Variants in PTPRT observed in about 807,000 individuals in gnomAD.
PTPRT encodes the protein protein tyrosine phosphatase receptor type T.
In PTPRT, 56 loss-of-function variants were observed where a neutral mutation model predicts 176.8. That is an observed-to-expected ratio of 0.32 (90% confidence interval 0.26 to 0.40). PTPRT has a LOEUF of 0.40. Among genes scored for constraint, PTPRT ranks in the 10% least tolerant of loss-of-function variants. The pLI is 1.00. For missense variants in PTPRT, 1,540 were observed against 1,908.2 expected, an observed-to-expected ratio of 0.81 and a Z score of 3.60; for synonymous variants, 783 against 739.0, an observed-to-expected ratio of 1.06 and a Z score of -0.96.
chr20:42,696,518 T>C (rs1461793700), intron 6 of PTPRT, among the ~76,000 whole-genome samples: 1 of 151,200 alleles, frequency 6.6e-6, no homozygotes, highest in Non-Finnish European at 1.5e-5. Flanking sequence ...TGCAGTGGCA[T>C]GATCTCGGCT....
chr20:42,599,113 T>C (rs2073729555), intron 7 of PTPRT, among the ~76,000 whole-genome samples: 1 of 152,132 alleles, frequency 6.6e-6, no homozygotes, highest in Non-Finnish European at 1.5e-5. Context: ...GCAGTGCAGA[T>C]GCACCGGAAG....
intron 12 of PTPRT, among the ~76,000 whole-genome samples, chr20:42,295,357 A>T (rs1403508513): frequency 2.6e-5 from 4 of 152,214 alleles, no homozygotes; most frequent in Non-Finnish European, 4.4e-5. Flanking sequence ...AGGACTTCAT[A>T]GCTAGCCATG....
chr20:42,947,493 C>T (rs971346205), intron 1 of PTPRT, among the ~76,000 whole-genome samples: 1 of 152,186 alleles, frequency 6.6e-6, no homozygotes, highest in South Asian at 2.1e-4. Flanking sequence ...AGAGGCCAAT[C>T]TCCTTCAGGC....
intron 1 of PTPRT, among the ~76,000 whole-genome samples, chr20:43,136,879 C>A (rs904259439): frequency 5.9e-5 from 9 of 152,142 alleles, no homozygotes; most frequent in Admixed American, 2.0e-4. Flanking sequence ...CACAAAGGCT[C>A]CCGAGTTTAT....
At chr20:43,182,692 C>T (rs6030682) in intron 1 of PTPRT, among the ~76,000 whole-genome samples, 6,070 of 152,120 alleles carry the variant, frequency 0.04, 417 homozygotes, top group African/African-American at 0.14. Context: ...CTCGCCCGGC[C>T]GTGGTTTGCA....
chr20:42,530,567 T>C (rs1335177421), intron 7 of PTPRT, among the ~76,000 whole-genome samples: 1 of 152,240 alleles, frequency 6.6e-6, no homozygotes, highest in Non-Finnish European at 1.5e-5. Context: ...GAAGAAGAGT[T>C]AATCAGATCC....
intron 1 of PTPRT, among the ~76,000 whole-genome samples, chr20:42,997,936 GA>G (rs1201646073): frequency 2.0e-5 from 3 of 152,132 alleles, no homozygotes; most frequent in African/African-American, 4.8e-5. Flanking sequence ...TGGAAGGCTG[GA>G]GTATCAAGAT....
intron 1 of PTPRT, among the ~76,000 whole-genome samples, chr20:43,113,524 T>C (rs963780609): frequency 6.6e-6 from 1 of 152,148 alleles, no homozygotes; most frequent in Non-Finnish European, 1.5e-5. Flanking sequence ...AGAACTGTCA[T>C]CATTGAAAAG....
At chr20:42,912,740 C>G (rs577771087) in intron 1 of PTPRT, among the ~76,000 whole-genome samples, 1 of 152,152 alleles carries the variant, frequency 6.6e-6, no homozygotes, top group African/African-American at 2.4e-5. Context: ...CTTTATTTTA[C>G]TTTTTAAAAC....
intron 13 of PTPRT, among the ~76,000 whole-genome samples, chr20:42,259,922 A>G (rs1341129053): frequency 6.6e-6 from 1 of 152,228 alleles, no homozygotes; most frequent in Non-Finnish European, 1.5e-5. Context: ...CATTAGCATC[A>G]GTTCAACCCT....
the PTPRT span, among the ~76,000 whole-genome samples, chr20:42,044,519 G>C: frequency 6.6e-6 from 1 of 152,204 alleles, no homozygotes; most frequent in Non-Finnish European, 1.5e-5. Context: ...GTTCTTCTCT[G>C]TCCTCCATGT....
rs186714996 is a variant in PTPRT at position 42,963,506 on chromosome 20, G to T, written c.89-77574C>A. Among the ~76,000 whole-genome samples, 532 of 151,886 alleles carry T rather than the reference G, an allele frequency of 3.5e-3. 2 individuals carry two copies. Among genetic ancestry groups the T allele is most frequent in the Admixed American group, 6.5e-3 (99 of 15,280 alleles). ...GTAGTTACATTTTTAAAAGTTGGTC[G>T]TGAGTGCCCAAGCAAATTAAATATG... On this transcript the variant is annotated intron_variant, in intron 1 of 30. Transcript: ENST00000373187.
At chr20:42,777,189 C>A (rs1029198522) in intron 4 of PTPRT, among the ~76,000 whole-genome samples, 7 of 140,468 alleles carry the variant, frequency 5.0e-5, no homozygotes, top group African/African-American at 1.7e-4. Flanking sequence ...GCACTCCCTG[C>A]AGCAGAGCCT....
At chr20:42,039,704 T>TATATATATATATATATATATATATA in the PTPRT span, among the ~76,000 whole-genome samples, 90 of 65,266 alleles carry the variant, frequency 1.4e-3, 4 homozygotes, top group Non-Finnish European at 3.1e-3. Context: ...ATATATATAG[T>TATATATATATATATATATATATATA]AATGTATATT....
rs189635747 is a variant in PTPRT, at chr20:42,547,004, A to G, written c.1154-74442T>C. ...TAACACAGAGACATAAAGTTAGCAC[A>G]TGCTGTTAAAAAAAATAGTGCCTTA... On this transcript the variant is annotated intron_variant, in intron 7 of 30. Coordinates refer to ENST00000373187, the MANE Select transcript of PTPRT (RefSeq NM_007050.6). Among the ~76,000 whole-genome samples the G allele has an allele frequency of 3.5e-3, 530 of 152,290 alleles. 8 individuals carry two copies. The highest frequency in any genetic ancestry group is 0.012 in the African/African-American group (511 of 41,564).
chr20:42,815,072 GTA>G, intron 2 of PTPRT, among the ~76,000 whole-genome samples: 1 of 152,088 alleles, frequency 6.6e-6, no homozygotes, highest in Non-Finnish European at 1.5e-5. Flanking sequence ...CCTCTGAAAG[GTA>G]TACTTTCTCC....
chr20:42,236,172 A>G, intron 15 of PTPRT, 57 bp downstream of exon 15: 1 of 1,445,426 alleles, frequency 6.9e-7, no homozygotes, highest in Non-Finnish European at 9.6e-7. Context: ...CAGGAAATGC[A>G]TGCTACAGGT....
intron 17 of PTPRT, among the ~76,000 whole-genome samples, chr20:42,153,814 C>G (rs1047646138): frequency 2.0e-5 from 3 of 152,202 alleles, no homozygotes; most frequent in African/African-American, 7.2e-5. Flanking sequence ...AAGAGGCAGA[C>G]TGCCAGGGGC....
chr20:42,401,371 TTAGG>T (rs2058905688), intron 9 of PTPRT, among the ~76,000 whole-genome samples: 1 of 151,926 alleles, frequency 6.6e-6, no homozygotes, highest in Non-Finnish European at 1.5e-5. Flanking sequence ...GGTTACGGAG[TTAGG>T]TAGTGGAAAA....
Sources: allele counts gnomAD v4.1 joint callset (sites outside exome capture counted in the v4.1 genomes callset), GRCh38; gene constraint gnomAD v4.1.1; transcripts MANE v1.5; gene names NCBI Gene and HGNC (gene_info 2026-07-23, HGNC 2026-07-21).